Variants in RPSA observed in about 807,000 individuals in gnomAD.
RPSA encodes the protein ribosomal protein SA.
For missense variants in RPSA, 140 were observed against 372.8 expected, an observed-to-expected ratio of 0.38 and a Z score of 5.14; for synonymous variants, 103 against 126.7, an observed-to-expected ratio of 0.81 and a Z score of 1.25.
At position 39,406,749 on chromosome 3, in the gene RPSA, T is replaced by C. The variant is rs1354494463; in HGVS notation, c.-49T>C. On this transcript the variant is annotated 5_prime_UTR_variant, in exon 1 of 7. Coordinates refer to ENST00000301821, the MANE Select transcript of RPSA (RefSeq NM_002295.6). Reference sequence around the variant, plus strand: ...TCCGTGCTACCTGCAGAGGGGTCCATACGGCGTTGTTCTGGGTGAGTTCCG... The same window carrying C: ...TCCGTGCTACCTGCAGAGGGGTCCACACGGCGTTGTTCTGGGTGAGTTCCG... 9.7e-6 allele frequency: 4 copies of C among 413,514 alleles called. No individual in the cohort carries two copies. The highest frequency in any genetic ancestry group is 1.7e-5 in the South Asian group (1 of 57,796). The allele number at this position is 413,514 out of a possible 1,614,324, so 25.6% of individuals were successfully genotyped here.
rs745860506 is a variant in RPSA, at chr3:39,407,629, C to T, written c.-25C>T. The T allele has an allele frequency of 4.8e-5, 76 of 1,591,078 alleles. 1 individual carries two copies. In the East Asian group the frequency reaches 1.6e-3, roughly 33 times the overall value. On this transcript the variant is annotated 5_prime_UTR_variant, in exon 2 of 7. Coordinates refer to ENST00000301821, the MANE Select transcript of RPSA (RefSeq NM_002295.6). ...TTGCTCTCTTATTTCAGATTCCCGT[C>T]GTAACTTAAAGGGAAATTTTCACAA...
chr3:39,411,092 TG>T (rs1342971587), intron 4 of RPSA, 93 bp downstream of exon 4: 1 of 1,501,550 alleles, frequency 6.7e-7, no homozygotes, highest in Non-Finnish European at 9.2e-7. Context: ...GGCTACTGAC[TG>T]GCCGATGAAC....
intron 3 of RPSA, among the ~76,000 whole-genome samples, chr3:39,409,584 A>G (rs980290577): frequency 6.6e-5 from 10 of 152,170 alleles, no homozygotes; most frequent in Non-Finnish European, 1.2e-4. Context: ...TTGTGCCACT[A>G]AATATCTAGA....
Position 39,411,989 on chromosome 3 carries a change from A to C in RPSA, c.721A>C (p.Thr241Pro). Reference sequence around the variant, plus strand: ...TGCTCCCGCTCCTGAGTTCACTGCTACTCAGCCTGAGGTTGCAGACTGGTC... The same window carrying C: ...TGCTCCCGCTCCTGAGTTCACTGCTCCTCAGCCTGAGGTTGCAGACTGGTC... ...WTAPAPEFTA[T>P]QPEVADWSEG... The change falls in exon 6 of 7, where the codon ACT becomes CCT. Residue 241 changes from threonine to proline, a missense_variant. By Grantham distance (38) the Thr-to-Pro change is conservative. Coordinates refer to ENST00000301821, the MANE Select transcript of RPSA (RefSeq NM_002295.6). 1 of 1,604,008 alleles carries C rather than the reference A, an allele frequency of 6.2e-7. No homozygotes were observed. The highest frequency in any genetic ancestry group is 1.1e-5 in the South Asian group (1 of 91,080).
intron 1 of RPSA, among the ~76,000 whole-genome samples, 170 bp from the exon 2 acceptor site, chr3:39,407,451 T>G (rs2041935328): frequency 6.6e-6 from 1 of 152,194 alleles, no homozygotes; most frequent in African/African-American, 2.4e-5. Context: ...CAGTAAGATG[T>G]GCGCTGTTCC....
Position 39,411,876 on chromosome 3 carries a change from CT to C in RPSA, c.628-10del, listed in dbSNP as rs201617825. 8.1e-4 allele frequency: 1,047 copies of C among 1,297,788 alleles called. No individual in the cohort carries two copies. The highest frequency in any genetic ancestry group is 1.8e-3 in the Admixed American group (88 of 49,382). 80.4% of individuals were successfully genotyped at this position (1,297,788 alleles called of 1,614,324 possible). On this transcript the variant is annotated intron_variant, in intron 5 of 6. Transcript: ENST00000301821. ...TTGTCAGTCCCTGTAAGTCTTTCCT[CT>C]TTTTTTTTTGTAACCCAGATTGAAA...
chr3:39,410,073 A>AAGACTGTCCACTGCATCCC (rs1309126951), intron 3 of RPSA, among the ~76,000 whole-genome samples: 5 of 152,222 alleles, frequency 3.3e-5, no homozygotes, highest in African/African-American at 1.2e-4. Context: ...GCAGGGAGCC[A>AAGACTGTCCACTGCATCCC]AGACTGTCCA....
chr3:39,408,266 C>G (rs1426353560), intron 2 of RPSA: 14 of 465,474 alleles, frequency 3.0e-5, no homozygotes, highest in Non-Finnish European at 5.3e-5. Context: ...ATGAATCTTG[C>G]ATCAGTGCAG....
intron 4 of RPSA, 129 bp from the exon 5 acceptor site, chr3:39,411,520 C>G (rs1575258333): frequency 1.1e-6 from 1 of 925,242 alleles, no homozygotes; most frequent in East Asian, 2.5e-5. Flanking sequence ...ATAATGCTCC[C>G]TGTTACAATT....
In RPSA at chr3:39,410,247, CTAG is replaced by C. The variant is rs545786144; in HGVS notation, c.253-503_253-501del. The C allele has an allele frequency of 2.3e-3, 365 of 158,764 alleles. 22 individuals carry two copies. In the South Asian group the frequency reaches 0.062, roughly 27 times the overall value. The allele number at this position is 158,764 out of a possible 1,614,324, so 9.8% of individuals were successfully genotyped here. A position where few individuals can be genotyped will look rare whatever the true frequency, so the allele number is the denominator to read the frequency against. ...TTTAATAATTTTTCTGTTGAGAAAA[CTAG>C]TAGATTTCTTGAATTCTAAGAGTTC... On this transcript the variant is annotated intron_variant, in intron 3 of 6. Coordinates refer to ENST00000301821, the MANE Select transcript of RPSA (RefSeq NM_002295.6).
chr3:39,408,419 C>T (rs780115735), intron 2 of RPSA, 187 bp from the exon 3 acceptor site: 1 of 764,056 alleles, frequency 1.3e-6, no homozygotes, highest in South Asian at 1.4e-5. Flanking sequence ...AGGGTGGAGG[C>T]CAGTCTTGGC....
At chr3:39,408,154 G>A (rs1418954807) in intron 2 of RPSA, 1 of 367,220 alleles carries the variant, frequency 2.7e-6, no homozygotes, top group Non-Finnish European at 5.2e-6. Context: ...TGGTTTGGAA[G>A]AACCAGAGGA....
chr3:39,411,576 TA>T, intron 4 of RPSA, 72 bp from the exon 5 acceptor site: 1 of 1,549,082 alleles, frequency 6.5e-7, no homozygotes. Context: ...CTAGATGATG[TA>T]AGAGCCAGGA....
intron 3 of RPSA, 98 bp downstream of exon 3, chr3:39,408,822 G>A (rs2041959143): frequency 8.6e-6 from 7 of 814,564 alleles, no homozygotes; most frequent in South Asian, 5.5e-5. Context: ...AACTCAGGCC[G>A]GGCGCGGTGG....
intron 3 of RPSA, 160 bp downstream of exon 3, chr3:39,408,884 G>C: frequency 3.8e-6 from 2 of 528,190 alleles, no homozygotes; most frequent in Non-Finnish European, 6.8e-6. Context: ...GTATTACGAG[G>C]TCAGGAGATC....
Position 39,411,876 on chromosome 3 carries a change from C to T in RPSA, c.628-20C>T. 1 of 1,345,144 alleles carries T rather than the reference C, an allele frequency of 7.4e-7. No homozygotes were observed. The highest frequency in any genetic ancestry group is 1.0e-6 in the Non-Finnish European group (1 of 985,920). 83.3% of individuals were successfully genotyped at this position (1,345,144 alleles called of 1,614,324 possible). A position where few individuals can be genotyped will look rare whatever the true frequency, so the allele number is the denominator to read the frequency against. On this transcript the variant is annotated intron_variant, in intron 5 of 6. Coordinates refer to ENST00000301821, the MANE Select transcript of RPSA (RefSeq NM_002295.6). ...TTGTCAGTCCCTGTAAGTCTTTCCT[C>T]TTTTTTTTTTGTAACCCAGATTGAA...
intron 3 of RPSA, 113 bp downstream of exon 3, chr3:39,408,837 G>A (rs1273787045): frequency 6.7e-6 from 5 of 741,232 alleles, no homozygotes; most frequent in East Asian, 5.0e-5. Flanking sequence ...CGGTGGCTAC[G>A]CCTGTAATCC....
chr3:39,411,652 G>A lies in RPSA; in HGVS notation c.502G>A (p.Ala168Thr). The change falls in exon 5 of 7, where the codon GCT becomes ACT. Residue 168 changes from alanine to threonine, a missense_variant. Physicochemically the swap from Ala to Thr is moderately conservative, Grantham distance 58 (BLOSUM62 0). Transcript: ENST00000301821. ...AATAATCTGCCACTCTTGGCAGGGA[G>A]CTCACTCAGTGGGTTTGATGTGGTG... The part of the protein sequence containing the change: ...DIAIPCNNKG[A>T]HSVGLMWWML... 2 of 1,609,482 alleles carry A rather than the reference G, an allele frequency of 1.2e-6. No homozygotes were observed. The highest frequency in any genetic ancestry group is 8.5e-7 in the Non-Finnish European group (1 of 1,180,012).
rs376432639 is a variant in RPSA at position 39,411,879 on chromosome 3, T to C, written c.628-17T>C. The C allele has an allele frequency of 2.4e-5, 39 of 1,599,210 alleles. No homozygotes were observed. Among genetic ancestry groups the C allele is most frequent in the Non-Finnish European group, 3.2e-5 (38 of 1,179,614 alleles). ...TCAGTCCCTGTAAGTCTTTCCTCTT[T>C]TTTTTTTGTAACCCAGATTGAAAAA... On this transcript the variant is annotated splice_polypyrimidine_tract_variant and intron_variant, in intron 5 of 6. Coordinates refer to ENST00000301821, the MANE Select transcript of RPSA (RefSeq NM_002295.6).
Sources: gnomAD v4.1 joint callset for allele counts (sites outside exome capture counted in the v4.1 genomes callset) on GRCh38, gnomAD v4.1.1 for gene constraint, MANE v1.5 for transcripts, NCBI Gene and HGNC (gene_info 2026-07-23, HGNC 2026-07-21) for gene names.